Variants in LYRM4 observed in about 807,000 individuals in gnomAD.
LYRM4 encodes the protein LYR motif containing 4.
A neutral mutation model predicts 11.7 loss-of-function variants in LYRM4; 9 were observed. That is an observed-to-expected ratio of 0.77 (90% CI 0.46 to 1.34). The LOEUF is 1.34. Among genes scored for constraint, LYRM4 ranks in the 40% most tolerant of loss-of-function variants. LYRM4 has a pLI of 0.00. For missense variants in LYRM4, 133 were observed against 112.5 expected, an observed-to-expected ratio of 1.18 and a Z score of -0.82; for synonymous variants, 42 against 40.4, an observed-to-expected ratio of 1.04 and a Z score of -0.15.
the LYRM4 span, chr6:5,032,991 C>G: frequency 6.6e-6 from 1 of 152,586 alleles, no homozygotes; most frequent in African/African-American, 2.4e-5. Context: ...CCCCGGCCCT[C>G]TGATCCTGGC....
chr6:5,138,413 A>C (rs1050016644), intron 2 of LYRM4, among the ~76,000 whole-genome samples: 2 of 125,110 alleles, frequency 1.6e-5, no homozygotes, highest in Non-Finnish European at 3.2e-5. Flanking sequence ...GAGGCTGGGG[A>C]GGTTGAGGCT....
the LYRM4 span, among the ~76,000 whole-genome samples, chr6:5,071,060 C>T: frequency 4.0e-5 from 6 of 151,338 alleles, no homozygotes; most frequent in African/African-American, 7.3e-5. Context: ...TGGTAGCGGG[C>T]GCCTATAACC....
chr6:5,100,676 C>T (rs1310362936), downstream of LYRM4, among the ~76,000 whole-genome samples: 1 of 152,142 alleles, frequency 6.6e-6, no homozygotes, highest in Non-Finnish European at 1.5e-5. Flanking sequence ...CTGACACCCC[C>T]AATGTCTCTA....
chr6:5,180,280 C>G (rs994274847), intron 2 of LYRM4, among the ~76,000 whole-genome samples: 1 of 152,158 alleles, frequency 6.6e-6, no homozygotes, highest in Non-Finnish European at 1.5e-5. Flanking sequence ...AGGTGTACAC[C>G]GTGGCAGGAT....
At chr6:5,191,008 T>C (rs1199388431) in intron 2 of LYRM4, among the ~76,000 whole-genome samples, 2 of 152,136 alleles carry the variant, frequency 1.3e-5, no homozygotes, top group African/African-American at 2.4e-5. Context: ...TAAGAGCATA[T>C]ACATTATTTG....
chr6:5,132,913 C>A (rs1376146544), intron 2 of LYRM4: 1 of 152,232 alleles, frequency 6.6e-6, no homozygotes, highest in Non-Finnish European at 1.5e-5. Flanking sequence ...AGAAGTGAGT[C>A]TTGCAAGGAA....
At position 5,161,555 on chromosome 6, in the gene LYRM4, G is replaced by A. The variant is rs191391321; in HGVS notation, c.208-52064C>T. On this transcript the variant is annotated intron_variant, in intron 2 of 2. Transcript: ENST00000330636. The stretch of plus-strand genomic sequence containing the variant: ...ATTATTTTTTTGTTACTGAAGAGGA[G>A]AGTAAGATTTTAACTGCTGAAGAAA... Among the ~76,000 whole-genome samples, 328 of 152,326 alleles carry A rather than the reference G, an allele frequency of 2.2e-3. 2 individuals are homozygous for A. Among genetic ancestry groups the A allele is most frequent in the African/African-American group, 6.9e-3 (287 of 41,576 alleles).
At chr6:5,033,593 C>T in the LYRM4 span, 3 of 152,420 alleles carry the variant, frequency 2.0e-5, no homozygotes, top group African/African-American at 7.2e-5. Flanking sequence ...ATACATCCAT[C>T]TCCTAACCAG....
Position 5,228,544 on chromosome 6 carries a change from C to T in LYRM4, c.87-11806G>A, listed in dbSNP as rs540427722. Among the ~76,000 whole-genome samples the T allele has an allele frequency of 2.6e-5, 4 of 152,114 alleles. No homozygotes were observed. In the South Asian group the frequency reaches 8.3e-4, roughly 32 times the overall value. On this transcript the variant is annotated intron_variant, in intron 1 of 2. Coordinates refer to ENST00000330636, the MANE Select transcript of LYRM4 (RefSeq NM_020408.6). Reference sequence around the variant, plus strand: ...CCACCTGCCTTGGTCTCCCAAAGTGCTGGGATTATAGGCTTGAGCCACCAT... The same window carrying T: ...CCACCTGCCTTGGTCTCCCAAAGTGTTGGGATTATAGGCTTGAGCCACCAT...
intron 1 of LYRM4, among the ~76,000 whole-genome samples, chr6:5,250,461 C>T (rs1438064803): frequency 1.3e-5 from 2 of 152,014 alleles, no homozygotes; most frequent in African/African-American, 2.4e-5. Flanking sequence ...CTAAGTTAAC[C>T]GTACTATTTT....
chr6:5,219,711 T>G (rs1225674566), intron 1 of LYRM4, among the ~76,000 whole-genome samples: 2 of 152,156 alleles, frequency 1.3e-5, no homozygotes, highest in Admixed American at 1.3e-4. Flanking sequence ...TTTGCTTTTT[T>G]TTTTTTCTTT....
chr6:5,250,060 A>G (rs1235442523), intron 1 of LYRM4, among the ~76,000 whole-genome samples: 3 of 152,212 alleles, frequency 2.0e-5, no homozygotes, highest in Non-Finnish European at 4.4e-5. Context: ...TAATTTAGAG[A>G]TACTTTAAGA....
chr6:5,100,735 G>A (rs1762472856), downstream of LYRM4, among the ~76,000 whole-genome samples: 1 of 152,204 alleles, frequency 6.6e-6, no homozygotes, highest in South Asian at 2.1e-4. Flanking sequence ...TGAGTGAGGT[G>A]TGGGCCTGTG....
chr6:5,136,197 TG>T lies in LYRM4; in HGVS notation c.208-26707del, dbSNP rs1282267318. 27 of 793,788 alleles carry T rather than the reference TG, an allele frequency of 3.4e-5. No homozygotes were observed. The African/African-American group carries it at 5.1e-4, about 15-fold the overall frequency. The allele number at this position is 793,788 out of a possible 1,614,324, so 49.2% of individuals were successfully genotyped here. On this transcript the variant is annotated intron_variant, in intron 2 of 2. Coordinates refer to ENST00000330636, the MANE Select transcript of LYRM4 (RefSeq NM_020408.6). ...TTGTGAATAATACTGCTCTGAACACTGGTGGGCAAGTATCCTTTTGAGTCCC... is the reference window on the plus strand; with the variant it reads ...TTGTGAATAATACTGCTCTGAACACTGTGGGCAAGTATCCTTTTGAGTCCC...
At chr6:5,091,279 C>T in the LYRM4 span, among the ~76,000 whole-genome samples, 1 of 152,188 alleles carries the variant, frequency 6.6e-6, no homozygotes, top group African/African-American at 2.4e-5. Flanking sequence ...CAGAGTGGTC[C>T]TGGCTGTCTT....
chr6:5,249,289 G>T (rs1764328556), intron 1 of LYRM4, among the ~76,000 whole-genome samples: 1 of 152,108 alleles, frequency 6.6e-6, no homozygotes, highest in African/African-American at 2.4e-5. Flanking sequence ...TTTGAGTCAA[G>T]GTTTCTTAAT....
At chr6:5,193,086 C>T (rs187557844) in intron 2 of LYRM4, among the ~76,000 whole-genome samples, 1 of 152,206 alleles carries the variant, frequency 6.6e-6, no homozygotes, top group East Asian at 1.9e-4. Flanking sequence ...GTTCAGTAGG[C>T]AGAGGTAATA....
the LYRM4 span, chr6:5,085,683 C>T: frequency 2.6e-6 from 4 of 1,548,240 alleles, no homozygotes; most frequent in South Asian, 4.8e-5. Flanking sequence ...AAGAGGCCGC[C>T]CCCCAGGAGC....
intron 1 of LYRM4, among the ~76,000 whole-genome samples, chr6:5,221,566 G>A (rs1037046405): frequency 6.6e-6 from 1 of 152,180 alleles, no homozygotes; most frequent in African/African-American, 2.4e-5. Context: ...GGTGGCACAT[G>A]TCTGTAATCC....
Sources: gnomAD v4.1 joint callset for allele counts (sites outside exome capture counted in the v4.1 genomes callset) on GRCh38, gnomAD v4.1.1 for gene constraint, MANE v1.5 for transcripts, NCBI Gene and HGNC (gene_info 2026-07-23, HGNC 2026-07-21) for gene names.